The following PELI1 variants were observed in gnomAD, a reference collection of about 807,000 sequenced individuals.
PELI1 encodes the protein pellino E3 ubiquitin protein ligase 1, also known as E3 ubiquitin-protein ligase pellino homolog 1.
PELI1 carries 15 observed loss-of-function variants against 41.3 expected under a neutral mutation model. That is an observed-to-expected ratio of 0.36 (90% CI 0.24 to 0.56). PELI1 has a LOEUF of 0.56. PELI1 is among the 20% of genes least tolerant of loss of function. The pLI, the probability that PELI1 is intolerant of heterozygous loss-of-function variation, is 0.82. For missense variants in PELI1, 403 were observed against 525.5 expected (o/e 0.77, Z 2.28); for synonymous variants, 178 against 180.1 (o/e 0.99, Z 0.09).
intron 1 of PELI1, among the ~76,000 whole-genome samples, chr2:64,110,220 G>T (rs1244498107): frequency 1.3e-5 from 2 of 148,568 alleles, no homozygotes; most frequent in African/African-American, 2.5e-5. Context: ...ACTCCAGCCT[G>T]GGCGACAGAG....
At chr2:64,143,869 C>G (rs868424994) in intron 1 of PELI1, among the ~76,000 whole-genome samples, 1 of 151,690 alleles carries the variant, frequency 6.6e-6, no homozygotes. Context: ...CGCGTAGGGC[C>G]GGTTCCTGAC....
intron 1 of PELI1, among the ~76,000 whole-genome samples, chr2:64,123,934 T>C (rs1320205322): frequency 6.6e-6 from 1 of 152,194 alleles, no homozygotes; most frequent in East Asian, 1.9e-4. Context: ...GGTATATCCA[T>C]ATAATGGAAT....
rs201153257 is a variant in PELI1 at position 64,104,841 on chromosome 2, A to T, written c.72-11T>A. On this transcript the variant is annotated splice_polypyrimidine_tract_variant and intron_variant, in intron 2 of 6. Coordinates refer to ENST00000358912, the MANE Select transcript of PELI1 (RefSeq NM_020651.4). ...AGAGACCCATTATACCTGATGGGGG[A>T]AAAAAAGTATAGGTGATCTCTTGCA... 6.2e-7 allele frequency: 1 copy of T among 1,600,680 alleles called. No individual in the cohort carries two copies. Among genetic ancestry groups the T allele is most frequent in the Admixed American group, 1.7e-5 (1 of 57,500 alleles).
chr2:64,142,728 G>C (rs1010539971), intron 1 of PELI1, among the ~76,000 whole-genome samples: 5 of 152,230 alleles, frequency 3.3e-5, no homozygotes, highest in Admixed American at 2.6e-4. Flanking sequence ...ACTGAATAAA[G>C]TGAACCTTTA....
At chr2:64,117,872 C>T (rs918981183) in intron 1 of PELI1, among the ~76,000 whole-genome samples, 1 of 151,432 alleles carries the variant, frequency 6.6e-6, no homozygotes, top group African/African-American at 2.4e-5. Flanking sequence ...TGGAGTGGAG[C>T]GATCTCAGCT....
chr2:64,100,449 G>A lies in PELI1; in HGVS notation c.252C>T (p.Ala84=), dbSNP rs925560933. 1.3e-6 allele frequency: 2 copies of A among 1,588,044 alleles called. No individual in the cohort carries two copies. The highest frequency in any genetic ancestry group is 1.7e-6 in the Non-Finnish European group (2 of 1,156,740). ...GAGTATATTCAACCACCACAGTCTG[G>A]GCCCGAGATAAAGTATATGATATGC... is the stretch of plus-strand genomic sequence containing the variant. ...QHSISYTLSR[A]QTVVVEYTHD... Residue 84 remains alanine (A), a synonymous_variant, in exon 4 of 7, where the codon GCC becomes GCT. Coordinates refer to ENST00000358912, the MANE Select transcript of PELI1 (RefSeq NM_020651.4).
At chr2:64,108,593 G>T (rs561316212) in intron 1 of PELI1, among the ~76,000 whole-genome samples, 1 of 152,292 alleles carries the variant, frequency 6.6e-6, no homozygotes, top group African/African-American at 2.4e-5. Flanking sequence ...ACTTACAGAA[G>T]CATAGAGCAG....
chr2:64,109,285 A>T (rs938148472), intron 1 of PELI1, among the ~76,000 whole-genome samples: 2 of 152,240 alleles, frequency 1.3e-5, no homozygotes, highest in Non-Finnish European at 2.9e-5. Context: ...AAGCCAGTGG[A>T]AACAGAAGGT....
At position 64,092,740 on chromosome 2, in the gene PELI1, C is replaced by CTCT. The variant is rs1680097921; in HGVS notation, c.*1959_*1961dup. 1 of 152,170 alleles carries CTCT rather than the reference C, an allele frequency of 6.6e-6. No homozygotes were observed. Among genetic ancestry groups the CTCT allele is most frequent in the African/African-American group, 2.4e-5 (1 of 41,436 alleles). 9.4% of individuals were successfully genotyped at this position (152,170 alleles called of 1,614,324 possible). A position where few individuals can be genotyped will look rare whatever the true frequency, so the allele number is the denominator to read the frequency against. On this transcript the variant is annotated 3_prime_UTR_variant, in exon 7 of 7. Transcript: ENST00000358912. ...TTTAAAGTGTTACATTAAATGCAAACTCTTCATCTATTTCAAATGAGTATT... is the reference window on the plus strand; with the variant it reads ...TTTAAAGTGTTACATTAAATGCAAACTCTTCTTCATCTATTTCAAATGAGTATT...
chr2:64,111,977 CAATT>C (rs1680819664), intron 1 of PELI1, among the ~76,000 whole-genome samples: 1 of 152,018 alleles, frequency 6.6e-6, no homozygotes, highest in African/African-American at 2.4e-5. Context: ...AATTTAATAA[CAATT>C]AAATTTAAAT....
intron 1 of PELI1, chr2:64,143,359 A>T (rs561050094): frequency 3.9e-5 from 6 of 152,360 alleles, no homozygotes; most frequent in African/African-American, 1.4e-4. Flanking sequence ...AAGTAAAATG[A>T]GCATCTTTAA....
At chr2:64,132,687 A>G (rs1397622856) in intron 1 of PELI1, among the ~76,000 whole-genome samples, 1 of 152,226 alleles carries the variant, frequency 6.6e-6, no homozygotes, top group Non-Finnish European at 1.5e-5. Flanking sequence ...TGTGGTTTCA[A>G]AAAGTACAAA....
At chr2:64,104,676 T>C (rs1231458723) in intron 3 of PELI1, 25 bp downstream of exon 3, 6 of 1,546,992 alleles carry the variant, frequency 3.9e-6, no homozygotes, top group East Asian at 2.3e-5. Flanking sequence ...AGTTAATTTA[T>C]GTAGCTTTTT....
At chr2:64,143,697 G>A (rs1681995770) in intron 1 of PELI1, among the ~76,000 whole-genome samples, 1 of 152,092 alleles carries the variant, frequency 6.6e-6, no homozygotes, top group Admixed American at 6.5e-5. Context: ...TATCAGATCC[G>A]CACAAACAAA....
At position 64,095,261 on chromosome 2, in the gene PELI1, A is replaced by T. The variant is rs770284315; in HGVS notation, c.698T>A (p.Ile233Asn). ...SAQQRGKMVE[I>N]ETNQLQDGSL... ...GCCATCTTGTAACTGATTGGTTTCA[A>T]TTTCCACCTAGAGGAGACAAGAGTT... The change falls in exon 7 of 7, where the codon ATT becomes AAT. Residue 233 changes from isoleucine (I) to asparagine (N), a missense_variant. Coordinates refer to ENST00000358912, the MANE Select transcript of PELI1 (RefSeq NM_020651.4). 1.5e-5 allele frequency: 24 copies of T among 1,611,042 alleles called. No individual in the cohort carries two copies. The highest frequency in any genetic ancestry group is 1.6e-4 in the Middle Eastern group (1 of 6,074).
At chr2:64,140,814 A>AAAAAC (rs1306339781) in intron 1 of PELI1, among the ~76,000 whole-genome samples, 1 of 148,864 alleles carries the variant, frequency 6.7e-6, no homozygotes, top group Non-Finnish European at 1.5e-5. Flanking sequence ...CAAACAAAAA[A>AAAAAC]AAACCTAGGG....
intron 1 of PELI1, among the ~76,000 whole-genome samples, chr2:64,110,439 A>C (rs780790140): frequency 3.9e-5 from 6 of 152,112 alleles, no homozygotes; most frequent in Non-Finnish European, 8.8e-5. Flanking sequence ...AGACGAGGAA[A>C]AATTGAGAGA....
chr2:64,109,499 G>A (rs1187828386), intron 1 of PELI1, among the ~76,000 whole-genome samples: 1 of 152,084 alleles, frequency 6.6e-6, no homozygotes, highest in African/African-American at 2.4e-5. Context: ...TGACCAACAT[G>A]GATAAACCTG....
At chr2:64,127,598 G>C (rs2103729855) in intron 1 of PELI1, among the ~76,000 whole-genome samples, 1 of 152,176 alleles carries the variant, frequency 6.6e-6, no homozygotes, top group East Asian at 1.9e-4. Flanking sequence ...GATGTCTTCT[G>C]GGAACTTTTG....
Sources: allele counts gnomAD v4.1 joint callset (sites outside exome capture counted in the v4.1 genomes callset), GRCh38; gene constraint gnomAD v4.1.1; transcripts MANE v1.5; gene names NCBI Gene and HGNC (gene_info 2026-07-23, HGNC 2026-07-21).